Variants in SORCS1 observed in about 807,000 individuals in gnomAD.
SORCS1 encodes sortilin related VPS10 domain containing receptor 1, also known as VPS10 domain-containing receptor SorCS1.
A neutral mutation model predicts 146.1 loss-of-function variants in SORCS1; 60 were observed. The observed-to-expected ratio is 0.41, with a 90% confidence interval of 0.33 to 0.51. The LOEUF (loss-of-function observed/expected upper bound fraction) is 0.51, where lower values mean the gene tolerates loss of function less well. Ranked by LOEUF, SORCS1 falls within the 20% of genes least tolerant of loss-of-function variation. The pLI is 0.21. For missense variants in SORCS1, 1,352 were observed against 1,487.6 expected (o/e 0.91, Z 1.50); for synonymous variants, 637 against 584.0 (o/e 1.09, Z -1.31).
chr10:106,787,197 G>A (rs1200352103), intron 3 of SORCS1, among the ~76,000 whole-genome samples: 1 of 152,152 alleles, frequency 6.6e-6, no homozygotes, highest in Non-Finnish European at 1.5e-5. Context: ...TAAGAGCAAA[G>A]TAGTCCTTGC....
At chr10:106,707,189 ATT>A (rs3044946) in intron 7 of SORCS1, among the ~76,000 whole-genome samples, 115,358 of 145,148 alleles carry the variant, frequency 0.79, 47,985 homozygotes, top group Non-Finnish European at 0.93. Flanking sequence ...ATTTAATTTA[ATT>A]TTTTTTTTTT....
chr10:107,062,643 C>T (rs1216880999), intron 1 of SORCS1, among the ~76,000 whole-genome samples: 1 of 152,034 alleles, frequency 6.6e-6, no homozygotes, highest in Non-Finnish European at 1.5e-5. Context: ...CTCAAACACC[C>T]CAGGGAGACT....
chr10:106,772,614 C>CA (rs760589445), intron 4 of SORCS1, among the ~76,000 whole-genome samples: 15 of 151,956 alleles, frequency 9.9e-5, no homozygotes, highest in Non-Finnish European at 1.8e-4. Flanking sequence ...CAAAAAATAT[C>CA]AAAAACCTTG....
chr10:106,994,730 A>G (rs1956921942), intron 1 of SORCS1, among the ~76,000 whole-genome samples: 1 of 152,232 alleles, frequency 6.6e-6, no homozygotes, highest in Non-Finnish European at 1.5e-5. Flanking sequence ...GTGAAGGTTT[A>G]ACAACTCAGG....
intron 2 of SORCS1, among the ~76,000 whole-genome samples, chr10:106,842,376 C>T (rs546718157): frequency 6.6e-6 from 1 of 151,944 alleles, no homozygotes; most frequent in Admixed American, 6.6e-5. Context: ...TGGGACTACC[C>T]TTGTGCACCA....
At chr10:106,723,395 G>GCACA (rs34071599) in intron 6 of SORCS1, among the ~76,000 whole-genome samples, 114,260 of 149,184 alleles carry the variant, frequency 0.77, 46,197 homozygotes, top group Non-Finnish European at 0.91. Context: ...CTCCTACGAT[G>GCACA]CACACACACA....
At chr10:106,984,294 C>T (rs1956362059) in intron 1 of SORCS1, among the ~76,000 whole-genome samples, 2 of 152,012 alleles carry the variant, frequency 1.3e-5, no homozygotes, top group South Asian at 4.1e-4. Context: ...TATTTACTCA[C>T]AAGGAAATTG....
intron 1 of SORCS1, among the ~76,000 whole-genome samples, chr10:107,162,860 A>G (rs1969807258): frequency 6.6e-6 from 1 of 152,172 alleles, no homozygotes; most frequent in Non-Finnish European, 1.5e-5. Context: ...TACAATCTCA[A>G]TTACCTGGTT....
intron 1 of SORCS1, among the ~76,000 whole-genome samples, chr10:107,126,830 G>GA (rs1383862515): frequency 6.6e-6 from 1 of 152,028 alleles, no homozygotes; most frequent in East Asian, 1.9e-4. Context: ...AAGCAGAAGG[G>GA]ACACAGTCTG....
intron 3 of SORCS1, among the ~76,000 whole-genome samples, chr10:106,803,931 A>G (rs1448733264): frequency 2.0e-5 from 3 of 152,186 alleles, no homozygotes; most frequent in Non-Finnish European, 4.4e-5. Flanking sequence ...GACTCATGTG[A>G]ACAAAAGTGA....
chr10:106,993,129 C>T (rs1956843902), intron 1 of SORCS1, among the ~76,000 whole-genome samples: 1 of 152,148 alleles, frequency 6.6e-6, no homozygotes, highest in South Asian at 2.1e-4. Context: ...CACGCCCAGC[C>T]GGGCCTGGCT....
chr10:106,968,589 A>G (rs1955622271), intron 1 of SORCS1, among the ~76,000 whole-genome samples: 1 of 152,164 alleles, frequency 6.6e-6, no homozygotes, highest in Non-Finnish European at 1.5e-5. Context: ...CACAGGTCTG[A>G]AGAAGTCAAC....
intron 24 of SORCS1, among the ~76,000 whole-genome samples, chr10:106,581,646 A>T (rs1286005958): frequency 6.6e-6 from 1 of 152,100 alleles, no homozygotes; most frequent in Non-Finnish European, 1.5e-5. Flanking sequence ...CCTACCACTC[A>T]GCTTCAACAA....
At chr10:107,000,113 G>A (rs1171504780) in intron 1 of SORCS1, among the ~76,000 whole-genome samples, 1 of 152,156 alleles carries the variant, frequency 6.6e-6, no homozygotes, top group Non-Finnish European at 1.5e-5. Flanking sequence ...CTCCCCATCA[G>A]CAATTAAGTC....
chr10:106,828,227 A>G (rs548455398), intron 3 of SORCS1, among the ~76,000 whole-genome samples: 99 of 152,268 alleles, frequency 6.5e-4, no homozygotes, highest in African/African-American at 2.2e-3. Context: ...CTTACTCCAG[A>G]GTCTATGCTC....
intron 18 of SORCS1, among the ~76,000 whole-genome samples, chr10:106,630,213 T>C (rs1848360742): frequency 6.6e-6 from 1 of 152,222 alleles, no homozygotes; most frequent in Non-Finnish European, 1.5e-5. Context: ...ACACTTTGCC[T>C]GATATCTGAT....
chr10:107,030,656 CACTT>C (rs1444667026), intron 1 of SORCS1, among the ~76,000 whole-genome samples: 1 of 152,190 alleles, frequency 6.6e-6, no homozygotes, highest in African/African-American at 2.4e-5. Flanking sequence ...TGGCAAAACT[CACTT>C]GATTTTGAAC....
intron 23 of SORCS1, among the ~76,000 whole-genome samples, chr10:106,606,036 T>A (rs1277359900): frequency 1.3e-5 from 2 of 152,258 alleles, no homozygotes; most frequent in African/African-American, 4.8e-5. Flanking sequence ...CCGAGAGGAA[T>A]CTTATTTTTA....
intron 2 of SORCS1, among the ~76,000 whole-genome samples, chr10:106,859,921 T>A (rs1949947791): frequency 6.6e-6 from 1 of 152,232 alleles, no homozygotes; most frequent in Admixed American, 6.5e-5. Context: ...CTTCTTACAA[T>A]CCAGAAGGTG....
Sources: allele counts gnomAD v4.1 joint callset (sites outside exome capture counted in the v4.1 genomes callset), GRCh38; gene constraint gnomAD v4.1.1; transcripts MANE v1.5; gene names NCBI Gene and HGNC (gene_info 2026-07-23, HGNC 2026-07-21).